PIK3CD: variants seen among roughly 807,000 people sequenced by gnomAD.
PIK3CD encodes phosphatidylinositol-4,5-bisphosphate 3-kinase catalytic subunit delta.
In PIK3CD, 20 loss-of-function variants were observed where a neutral mutation model predicts 122.9. The observed-to-expected ratio is 0.16, with a 90% CI of 0.11 to 0.24. PIK3CD has a LOEUF of 0.24. PIK3CD is among the 10% of genes least tolerant of loss of function. The pLI, the probability that PIK3CD is intolerant of heterozygous loss-of-function variation, is 1.00. For missense variants in PIK3CD, 787 were observed against 1,406.3 expected (o/e 0.56, Z 7.04); for synonymous variants, 596 against 593.4 (o/e 1.00, Z -0.06).
chr1:9,654,379 G>T, intron 1 of PIK3CD: 5 of 1,367,722 alleles, frequency 3.7e-6, no homozygotes, highest in Non-Finnish European at 4.9e-6. Flanking sequence ...TGTTTCCTGA[G>T]ATCACACGGG....
chr1:9,642,553 T>C, the PIK3CD span, among the ~76,000 whole-genome samples: 1 of 148,488 alleles, frequency 6.7e-6, no homozygotes, highest in East Asian at 2.1e-4. Flanking sequence ...CTGTCTCTAC[T>C]AAAAATACAA....
rs1646096281 is a variant in PIK3CD at position 9,689,307 on chromosome 1, G to C, written c.-137-2160G>C. On this transcript the variant is annotated intron_variant, in intron 1 of 23. Transcript: ENST00000377346. The surrounding 1 kb of genome is among the most constrained non-coding windows in gnomAD (Gnocchi z 6.1). Reference sequence around the variant, plus strand: ...GTGCGAACCCCAAGGGCCCCGCCTGGCAGCGTCCTGGGCCTCCGGGCGAGA... The same window carrying C: ...GTGCGAACCCCAAGGGCCCCGCCTGCCAGCGTCCTGGGCCTCCGGGCGAGA... 5.9e-5 allele frequency among the ~76,000 whole-genome samples: 9 copies of C among 152,144 alleles called. No homozygotes were observed. In the South Asian group the frequency reaches 1.9e-3, roughly 32 times the overall value.
At chr1:9,642,261 C>T in the PIK3CD span, among the ~76,000 whole-genome samples, 1 of 151,818 alleles carries the variant, frequency 6.6e-6, no homozygotes, top group East Asian at 2.0e-4. Flanking sequence ...TACAGGCATG[C>T]ACCACCATGC....
At chr1:9,678,000 T>G (rs1426410759) in intron 1 of PIK3CD, among the ~76,000 whole-genome samples, 1 of 151,642 alleles carries the variant, frequency 6.6e-6, no homozygotes, top group Non-Finnish European at 1.5e-5. Flanking sequence ...CTAAATTAGC[T>G]GGGTGTGGTG....
At chr1:9,692,622 C>T (rs962121175) in intron 2 of PIK3CD, among the ~76,000 whole-genome samples, 2 of 151,984 alleles carry the variant, frequency 1.3e-5, no homozygotes, top group Admixed American at 6.6e-5. Context: ...CCCAGCTACT[C>T]GAGAGGCTGA....
At chr1:9,716,869 A>G (rs1647558382) in intron 6 of PIK3CD, 90 bp from the exon 7 acceptor site, 6 of 1,562,962 alleles carry the variant, frequency 3.8e-6, no homozygotes, top group Non-Finnish European at 5.3e-6. Context: ...TAGGACAGGC[A>G]GTGGGCAGCT....
rs1318538600 is a variant in PIK3CD, at chr1:9,718,667, C to T, written c.1021-27C>T. The T allele has an allele frequency of 3.8e-6, 6 of 1,594,198 alleles. No homozygotes were observed. The African/African-American group carries it at 5.3e-5, about 14-fold the overall frequency. On this transcript the variant is annotated intron_variant, in intron 8 of 23. Transcript: ENST00000377346. The surrounding 1 kb of genome is among the most constrained non-coding windows in gnomAD (Gnocchi z 7.2). ...GAGAGGGGCTGGGCCTCTGCCTCCT[C>T]ACCCATCATCCCGGCACCTTCTACA... is the stretch of plus-strand genomic sequence containing the variant.
Position 9,724,734 on chromosome 1 carries a change from A to C in PIK3CD, c.2865-70A>C. On this transcript the variant is annotated intron_variant, in intron 22 of 23. Coordinates refer to ENST00000377346, the MANE Select transcript of PIK3CD (RefSeq NM_005026.5). The surrounding 1 kb of genome is among the most constrained non-coding windows in gnomAD (Gnocchi z 7.3). The stretch of plus-strand genomic sequence containing the variant: ...TGTCCTTGGGGAAGGGGCTGGTTGG[A>C]TGCAGAGCGGCCCTCTGGCCTGTGG... 1 of 1,595,972 alleles carries C rather than the reference A, an allele frequency of 6.3e-7. No homozygotes were observed. Among genetic ancestry groups the C allele is most frequent in the Non-Finnish European group, 8.6e-7 (1 of 1,165,838 alleles).
intron 1 of PIK3CD, chr1:9,654,642 G>A (rs1644788935): frequency 2.8e-6 from 1 of 361,510 alleles, no homozygotes; most frequent in Non-Finnish European, 5.4e-6. Context: ...CTTTGGCTGG[G>A]TTATTTTCAA....
In PIK3CD at chr1:9,699,523, G is replaced by A. The variant is rs1003531929; in HGVS notation, c.-33+7952G>A. On this transcript the variant is annotated intron_variant, in intron 2 of 23. Coordinates refer to ENST00000377346, the MANE Select transcript of PIK3CD (RefSeq NM_005026.5). ...GGGGCCCTGCAGGGTCAGACTCACCGTCTCTCCCAGTCACCCTCTCCCAGT... is the reference window on the plus strand; with the variant it reads ...GGGGCCCTGCAGGGTCAGACTCACCATCTCTCCCAGTCACCCTCTCCCAGT... Among the ~76,000 whole-genome samples the A allele has an allele frequency of 4.0e-5, 6 of 151,864 alleles. No homozygotes were observed. In the South Asian group the frequency reaches 6.2e-4, roughly 16 times the overall value.
At chr1:9,670,383 C>T (rs528068292) in intron 1 of PIK3CD, among the ~76,000 whole-genome samples, 26 of 152,256 alleles carry the variant, frequency 1.7e-4, no homozygotes, top group Non-Finnish European at 2.8e-4. Context: ...GAGTGCAGCA[C>T]ATCTAATATG....
intron 6 of PIK3CD, 111 bp downstream of exon 6, chr1:9,716,730 C>A: frequency 8.0e-7 from 1 of 1,257,692 alleles, no homozygotes. Flanking sequence ...CGAGCCAGGC[C>A]TTTGGGTCAC....
At chr1:9,714,141 C>T (rs1036144626) in intron 3 of PIK3CD, among the ~76,000 whole-genome samples, 2 of 152,080 alleles carry the variant, frequency 1.3e-5, no homozygotes, top group Non-Finnish European at 2.9e-5. Flanking sequence ...AGTAAGCCAC[C>T]GCACCTGACC....
rs1263852824 is a variant in PIK3CD at position 9,724,096 on chromosome 1, C to CA, written c.2718+5dup. On this transcript the variant is annotated splice_donor_region_variant and intron_variant, in intron 21 of 23. Coordinates refer to ENST00000377346, the MANE Select transcript of PIK3CD (RefSeq NM_005026.5). This position sits in a 1 kb window ranked among gnomAD's most constrained non-coding sequence, Gnocchi z 7.3. ...CATGATCCGAGAGAGTGGGCAGGTACAGGGGCTGGTGCTGGCGGCTGCTGT... is the reference window on the plus strand; with the variant it reads ...CATGATCCGAGAGAGTGGGCAGGTACAAGGGGCTGGTGCTGGCGGCTGCTGT... 1 of 1,614,152 alleles carries CA rather than the reference C, an allele frequency of 6.2e-7. No homozygotes were observed. The highest frequency in any genetic ancestry group is 8.5e-7 in the Non-Finnish European group (1 of 1,180,026).
chr1:9,678,147 A>C (rs77126107), intron 1 of PIK3CD, among the ~76,000 whole-genome samples: 196 of 41,972 alleles, frequency 4.7e-3, no homozygotes, highest in Middle Eastern at 0.036. Context: ...TCCATCTCAA[A>C]AAAAAAAAAA....
rs1457869387 is a variant in PIK3CD, at chr1:9,722,893, C to T, written c.2427-232C>T. On this transcript the variant is annotated intron_variant, in intron 19 of 23. Transcript: ENST00000377346. The surrounding 1 kb of genome is among the most constrained non-coding windows in gnomAD (Gnocchi z 7.6). The stretch of plus-strand genomic sequence containing the variant: ...GAAGCAGTGGCGTCTTCTCCCAAGG[C>T]CTCTGTCTGGTTCTCTTCCAAGCAA... Among the ~76,000 whole-genome samples the T allele has an allele frequency of 6.6e-6, 1 of 152,178 alleles. No individual in the cohort carries two copies. The highest frequency in any genetic ancestry group is 6.5e-5 in the Admixed American group (1 of 15,278).
At chr1:9,663,957 C>A (rs1245175297) in intron 1 of PIK3CD, among the ~76,000 whole-genome samples, 3 of 152,016 alleles carry the variant, frequency 2.0e-5, no homozygotes, top group Admixed American at 2.0e-4. Context: ...TGTATATGTG[C>A]CACATTTTCT....
chr1:9,706,613 A>G (rs1263989687), intron 2 of PIK3CD, among the ~76,000 whole-genome samples: 1 of 152,206 alleles, frequency 6.6e-6, no homozygotes, highest in Non-Finnish European at 1.5e-5. Flanking sequence ...TGCAGTACAC[A>G]CTAAATGTAA....
intron 1 of PIK3CD, among the ~76,000 whole-genome samples, chr1:9,684,452 G>A (rs954916690): frequency 5.3e-5 from 8 of 150,946 alleles, no homozygotes; most frequent in South Asian, 2.1e-4. Flanking sequence ...CAGGAGAATC[G>A]CTTGAACCCA....
Sources: allele counts gnomAD v4.1 joint callset (sites outside exome capture counted in the v4.1 genomes callset), GRCh38; gene constraint gnomAD v4.1.1; non-coding constraint Gnocchi (gnomAD v3.1); transcripts MANE v1.5; gene names NCBI Gene and HGNC (gene_info 2026-07-23, HGNC 2026-07-21).